PRR16: variants seen among roughly 807,000 people sequenced by gnomAD.
PRR16 encodes proline rich 16, also known as protein Largen.
Under a neutral mutation model 18.2 loss-of-function variants are expected in PRR16, and 6 were observed. The ratio of observed to expected loss-of-function variants is 0.33; its 90% CI spans 0.18 to 0.65. PRR16 has a LOEUF of 0.65. Among genes scored for constraint, PRR16 ranks in the 30% least tolerant of loss-of-function variants. The pLI is 0.74. For synonymous variants in PRR16, 151 were observed against 147.8 expected (o/e 1.02, Z -0.16); for missense variants, 412 against 376.6 (o/e 1.09, Z -0.78).
chr5:120,492,042 AG>A (rs1375385531), intron 1 of PRR16, among the ~76,000 whole-genome samples: 24 of 151,742 alleles, frequency 1.6e-4, no homozygotes, highest in Admixed American at 1.0e-3. Flanking sequence ...TGTACATTAT[AG>A]TGTTCAATCT....
At chr5:120,735,672 G>GTTGTTA in the PRR16 span, among the ~76,000 whole-genome samples, 2 of 151,700 alleles carry the variant, frequency 1.3e-5, no homozygotes, top group East Asian at 3.9e-4. Flanking sequence ...TTTTGTTGTT[G>GTTGTTA]TTGTTGTTAT....
chr5:120,649,778 T>C (rs538703350), intron 1 of PRR16, among the ~76,000 whole-genome samples: 163 of 152,212 alleles, frequency 1.1e-3, no homozygotes, highest in Non-Finnish European at 1.8e-3. Flanking sequence ...TAAATACTTG[T>C]TTTCTTGGGA....
chr5:120,657,335 T>C (rs1756016645), intron 1 of PRR16, among the ~76,000 whole-genome samples: 1 of 151,944 alleles, frequency 6.6e-6, no homozygotes. Flanking sequence ...AGAATGACTC[T>C]TGTGCAGTGG....
At chr5:120,556,726 G>C (rs995415191) in intron 1 of PRR16, among the ~76,000 whole-genome samples, 2 of 151,746 alleles carry the variant, frequency 1.3e-5, no homozygotes, top group Non-Finnish European at 2.9e-5. Flanking sequence ...TCTTCTTCTG[G>C]GTTGACTAGC....
chr5:120,509,734 A>T (rs1056431888), intron 1 of PRR16, among the ~76,000 whole-genome samples: 6 of 152,164 alleles, frequency 3.9e-5, no homozygotes, highest in Non-Finnish European at 5.9e-5. Flanking sequence ...GGAAGAAATT[A>T]ATTTGGCCTG....
At chr5:120,680,582 C>T (rs1254647136) in intron 1 of PRR16, among the ~76,000 whole-genome samples, 1 of 152,224 alleles carries the variant, frequency 6.6e-6, no homozygotes, top group South Asian at 2.1e-4. Context: ...AGTAGAATTG[C>T]CACAAAGTGT....
At chr5:120,567,718 C>T (rs780928760) in intron 1 of PRR16, among the ~76,000 whole-genome samples, 7 of 152,236 alleles carry the variant, frequency 4.6e-5, no homozygotes, top group East Asian at 1.9e-4. Flanking sequence ...TGCTACCATG[C>T]GAAGATGTGC....
the PRR16 span, among the ~76,000 whole-genome samples, chr5:120,779,567 T>C: frequency 1.3e-5 from 2 of 152,068 alleles, no homozygotes; most frequent in African/African-American, 4.8e-5. Context: ...TGTGCTTTTC[T>C]GTGTTCGTGC....
intron 1 of PRR16, among the ~76,000 whole-genome samples, chr5:120,520,902 T>C (rs980299091): frequency 1.4e-5 from 2 of 139,548 alleles, no homozygotes; most frequent in Admixed American, 1.5e-4. Flanking sequence ...GAAACATTAC[T>C]TTTTTTTTTT....
chr5:120,537,375 G>T (rs1751751720), intron 1 of PRR16, among the ~76,000 whole-genome samples: 1 of 152,016 alleles, frequency 6.6e-6, no homozygotes, highest in South Asian at 2.1e-4. Context: ...AACTAGACTA[G>T]GGTATAATGT....
At chr5:120,514,047 C>T (rs561606216) in intron 1 of PRR16, among the ~76,000 whole-genome samples, 4 of 152,222 alleles carry the variant, frequency 2.6e-5, no homozygotes, top group African/African-American at 4.8e-5. Flanking sequence ...TGTGAGCCAC[C>T]GCACCTTGCC....
rs13358408 is a variant in PRR16 at position 120,602,784 on chromosome 5, A to G, written c.160-83170A>G. Among the ~76,000 whole-genome samples the G allele has an allele frequency of 9.0e-3, 1,375 of 152,078 alleles. 21 individuals are homozygous for G. The highest frequency in any genetic ancestry group is 0.032 in the African/African-American group (1,312 of 41,502). On this transcript the variant is annotated intron_variant, in intron 1 of 1. Coordinates refer to ENST00000407149, the MANE Select transcript of PRR16 (RefSeq NM_001300783.2). ...GGGTTTTAAACATGCATGGGTGTCA[A>G]ATTTTATCAATGCCATATCTGAGTC... is the stretch of plus-strand genomic sequence containing the variant.
At chr5:120,681,020 A>C (rs928565638) in intron 1 of PRR16, among the ~76,000 whole-genome samples, 3 of 152,204 alleles carry the variant, frequency 2.0e-5, no homozygotes, top group South Asian at 2.1e-4. Flanking sequence ...ATCAGGTTGC[A>C]TCTGGATATT....
At chr5:120,765,521 T>C in the PRR16 span, among the ~76,000 whole-genome samples, 1 of 152,052 alleles carries the variant, frequency 6.6e-6, no homozygotes, top group Non-Finnish European at 1.5e-5. Flanking sequence ...CATTTTTTCC[T>C]GAAAATATTT....
At chr5:120,743,552 A>G in the PRR16 span, among the ~76,000 whole-genome samples, 1 of 152,142 alleles carries the variant, frequency 6.6e-6, no homozygotes, top group Admixed American at 6.5e-5. Flanking sequence ...GACAGTTTTT[A>G]CAATGGTAAG....
the PRR16 span, among the ~76,000 whole-genome samples, chr5:120,715,532 T>A: frequency 8.7e-4 from 133 of 152,326 alleles, 1 homozygote; most frequent in African/African-American, 3.0e-3. Context: ...ATGATCTCTA[T>A]TGAGGACTAT....
chr5:120,748,493 T>C, the PRR16 span, among the ~76,000 whole-genome samples: 3 of 152,076 alleles, frequency 2.0e-5, no homozygotes, highest in East Asian at 5.8e-4. Context: ...TATCTTTCAA[T>C]GTGGAAAATA....
At chr5:120,526,320 T>C (rs764633788) in intron 1 of PRR16, among the ~76,000 whole-genome samples, 3 of 152,230 alleles carry the variant, frequency 2.0e-5, no homozygotes, top group Admixed American at 6.5e-5. Context: ...TAGCCTCTTG[T>C]TGTCATTCCT....
At chr5:120,763,429 T>C in the PRR16 span, among the ~76,000 whole-genome samples, 2 of 152,122 alleles carry the variant, frequency 1.3e-5, no homozygotes, top group Non-Finnish European at 2.9e-5. Context: ...CCACCACGCC[T>C]GGCCTGCAAT....
Sources: gnomAD v4.1 joint callset for allele counts (sites outside exome capture counted in the v4.1 genomes callset) on GRCh38, gnomAD v4.1.1 for gene constraint, MANE v1.5 for transcripts, NCBI Gene and HGNC (gene_info 2026-07-23, HGNC 2026-07-21) for gene names.